Variants in TRPM3 observed in about 807,000 individuals in gnomAD.
TRPM3 encodes the protein long transient receptor potential channel 3.
Under a neutral mutation model 181.2 loss-of-function variants are expected in TRPM3, and 77 were observed. The observed-to-expected ratio is 0.42, with a 90% confidence interval of 0.35 to 0.51. TRPM3 has a LOEUF of 0.51. Among genes scored for constraint, TRPM3 ranks in the 20% least tolerant of loss-of-function variants. The pLI is 0.01. For synonymous variants in TRPM3, 745 were observed against 796.4 expected (o/e 0.94, Z 1.09); for missense variants, 1,759 against 2,196.7 (o/e 0.80, Z 3.98).
intron 1 of TRPM3, among the ~76,000 whole-genome samples, chr9:71,271,630 A>AG (rs2083798495): frequency 6.8e-6 from 1 of 146,190 alleles, no homozygotes; most frequent in Non-Finnish European, 1.5e-5. Flanking sequence ...AAGAAGAAGA[A>AG]AAAAAAAAAG....
intron 9 of TRPM3, among the ~76,000 whole-genome samples, chr9:70,655,456 C>A (rs1218324103): frequency 6.6e-6 from 1 of 151,562 alleles, no homozygotes; most frequent in Non-Finnish European, 1.5e-5. Context: ...TTTCAGCCTG[C>A]TTTAAATCTG....
At chr9:70,977,818 G>C (rs1187308084) in intron 1 of TRPM3, among the ~76,000 whole-genome samples, 1 of 152,216 alleles carries the variant, frequency 6.6e-6, no homozygotes, top group Non-Finnish European at 1.5e-5. Context: ...GTGATGTATA[G>C]GGCAAGGTAC....
At chr9:71,421,383 G>T (rs2093771196) in intron 1 of TRPM3, among the ~76,000 whole-genome samples, 1 of 151,456 alleles carries the variant, frequency 6.6e-6, no homozygotes, top group African/African-American at 2.4e-5. Flanking sequence ...TAAAAAAAAA[G>T]GAAGAAAAGC....
At chr9:70,806,489 G>C (rs2090711738) in intron 6 of TRPM3, among the ~76,000 whole-genome samples, 2 of 151,978 alleles carry the variant, frequency 1.3e-5, no homozygotes, top group Admixed American at 6.6e-5. Context: ...TAAGGAGTTT[G>C]AGACCAGCCT....
intron 22 of TRPM3, among the ~76,000 whole-genome samples, chr9:70,570,846 CA>C (rs2052126013): frequency 6.6e-6 from 1 of 152,212 alleles, no homozygotes; most frequent in Admixed American, 6.5e-5. Context: ...CTTGATTCCA[CA>C]TATCTCCAGG....
At chr9:70,609,555 T>G (rs1012977414) in intron 19 of TRPM3, among the ~76,000 whole-genome samples, 1 of 152,228 alleles carries the variant, frequency 6.6e-6, no homozygotes, top group African/African-American at 2.4e-5. Flanking sequence ...ACTTGGGGGA[T>G]GAAGAGTTGC....
intron 1 of TRPM3, among the ~76,000 whole-genome samples, chr9:71,000,203 A>C (rs906495150): frequency 1.3e-5 from 2 of 152,192 alleles, no homozygotes; most frequent in African/African-American, 4.8e-5. Flanking sequence ...TGAATTCAAG[A>C]CACATTCATC....
intron 4 of TRPM3, among the ~76,000 whole-genome samples, chr9:70,845,405 A>G (rs1411891489): frequency 2.0e-5 from 3 of 151,968 alleles, no homozygotes; most frequent in Non-Finnish European, 2.9e-5. Flanking sequence ...ACGCCGGGCT[A>G]ATTTTTGCAT....
At chr9:70,761,468 C>A in intron 8 of TRPM3, 133 bp downstream of exon 8, 2 of 1,219,422 alleles carry the variant, frequency 1.6e-6, no homozygotes, top group Non-Finnish European at 2.4e-6. Flanking sequence ...GCTACTGGAG[C>A]CAATGGAGCC....
chr9:71,088,855 T>C (rs575907524), intron 1 of TRPM3, among the ~76,000 whole-genome samples: 6 of 151,860 alleles, frequency 4.0e-5, no homozygotes, highest in South Asian at 4.2e-4. Context: ...CACTTGCACA[T>C]TGAGTTGAGA....
chr9:71,089,693 T>A (rs895078464), intron 1 of TRPM3, among the ~76,000 whole-genome samples: 4 of 152,068 alleles, frequency 2.6e-5, no homozygotes, highest in African/African-American at 9.7e-5. Flanking sequence ...TTAGCAACCA[T>A]AACCATGGTC....
At chr9:71,282,081 GAAAGAAAGAGAGAAAGAAAGA>G (rs1431335130) in intron 1 of TRPM3, among the ~76,000 whole-genome samples, 2,525 of 47,768 alleles carry the variant, frequency 0.053, 56 homozygotes, top group Middle Eastern at 0.16. Flanking sequence ...GGAAAGAAAG[GAAAGAAAGAGAGAAAGAAAGA>G]AAAGAAAGAA....
intron 1 of TRPM3, among the ~76,000 whole-genome samples, chr9:71,422,896 G>A (rs2093802710): frequency 6.6e-6 from 1 of 151,828 alleles, no homozygotes; most frequent in African/African-American, 2.4e-5. Context: ...GACCTTATCA[G>A]CTCCCTACAC....
chr9:70,931,038 CT>C, intron 1 of TRPM3, among the ~76,000 whole-genome samples: 1 of 151,976 alleles, frequency 6.6e-6, no homozygotes, highest in South Asian at 2.1e-4. Flanking sequence ...TAAAGAGTGG[CT>C]TTTTTTGTTT....
chr9:71,373,817 A>T (rs2092595472), intron 1 of TRPM3, among the ~76,000 whole-genome samples: 1 of 152,204 alleles, frequency 6.6e-6, no homozygotes, highest in Non-Finnish European at 1.5e-5. Flanking sequence ...TGGCAGAGAT[A>T]CAACAAAAAA....
intron 11 of TRPM3, among the ~76,000 whole-genome samples, chr9:70,637,501 A>G (rs971576979): frequency 2.7e-5 from 4 of 149,074 alleles, no homozygotes; most frequent in Non-Finnish European, 5.9e-5. Context: ...TTGATTCTCT[A>G]ATTGATAGAC....
intron 8 of TRPM3, among the ~76,000 whole-genome samples, chr9:70,751,578 G>C (rs2076139099): frequency 1.3e-5 from 2 of 152,152 alleles, no homozygotes; most frequent in African/African-American, 4.8e-5. Context: ...TGAAAGTAAT[G>C]AGAAACGTAA....
chr9:71,145,159 A>T (rs1474762768), intron 1 of TRPM3, among the ~76,000 whole-genome samples: 1 of 152,174 alleles, frequency 6.6e-6, no homozygotes, highest in Admixed American at 6.6e-5. Context: ...ATTATAATGA[A>T]GAGCAAAGAG....
At chr9:70,783,520 T>G (rs2082921526) in intron 7 of TRPM3, among the ~76,000 whole-genome samples, 1 of 152,080 alleles carries the variant, frequency 6.6e-6, no homozygotes, top group Non-Finnish European at 1.5e-5. Context: ...GAAAGTAGCA[T>G]TAAGAGCCTA....
Sources: allele counts gnomAD v4.1 joint callset (sites outside exome capture counted in the v4.1 genomes callset), GRCh38; gene constraint gnomAD v4.1.1; transcripts MANE v1.5; gene names NCBI Gene and HGNC (gene_info 2026-07-23, HGNC 2026-07-21).